FRRS1: variants seen among roughly 807,000 people sequenced by gnomAD.
FRRS1 encodes the protein ferric chelate reductase 1.
FRRS1 carries 51 observed loss-of-function variants against 70.7 expected under a neutral mutation model. The observed-to-expected ratio is 0.72, with a 90% CI of 0.58 to 0.91. The LOEUF (loss-of-function observed/expected upper bound fraction) is 0.91, where lower values mean the gene tolerates loss of function less well. Ranked by LOEUF, FRRS1 falls within the 40% of genes least tolerant of loss-of-function variation. The probability of loss-of-function intolerance (pLI) is 0.00; values close to 1 mark genes in which losing one functional copy is unlikely to be tolerated. For synonymous variants in FRRS1, 225 were observed against 238.7 expected, an observed-to-expected ratio of 0.94 and a Z score of 0.53; for missense variants, 672 against 726.0, an observed-to-expected ratio of 0.93 and a Z score of 0.86.
chr1:99,725,641 C>T (rs1251521881), intron 9 of FRRS1, among the ~76,000 whole-genome samples: 1 of 152,198 alleles, frequency 6.6e-6, no homozygotes, highest in Non-Finnish European at 1.5e-5. Flanking sequence ...TTTTCCCTCC[C>T]ATGCCATCAG....
chr1:99,747,565 G>A, intron 3 of FRRS1, 135 bp from the exon 4 acceptor site: 2 of 749,202 alleles, frequency 2.7e-6, no homozygotes, highest in Non-Finnish European at 4.2e-6. Flanking sequence ...CATCTTATAG[G>A]CAAAGAAGCT....
chr1:99,726,329 A>G (rs1655077840), intron 9 of FRRS1, among the ~76,000 whole-genome samples: 1 of 152,192 alleles, frequency 6.6e-6, no homozygotes, highest in Admixed American at 6.5e-5. Flanking sequence ...TTCTTCATAA[A>G]TTACCCAGTC....
At chr1:99,724,243 C>CA (rs1287323071) in intron 9 of FRRS1, among the ~76,000 whole-genome samples, 1 of 152,198 alleles carries the variant, frequency 6.6e-6, no homozygotes, top group Non-Finnish European at 1.5e-5. Flanking sequence ...ATGCTTAGTG[C>CA]AAGAACCAGC....
At chr1:99,738,431 T>C (rs1655788127) in intron 6 of FRRS1, among the ~76,000 whole-genome samples, 163 bp from the exon 7 acceptor site, 1 of 152,194 alleles carries the variant, frequency 6.6e-6, no homozygotes, top group Non-Finnish European at 1.5e-5. Context: ...ACATCCCAAA[T>C]TAAAAATGAT....
At chr1:99,732,254 C>T (rs888970312) in intron 7 of FRRS1, among the ~76,000 whole-genome samples, 2 of 152,100 alleles carry the variant, frequency 1.3e-5, no homozygotes, top group Non-Finnish European at 2.9e-5. Flanking sequence ...AGTTTGAAAG[C>T]ATAAAAGTAC....
intron 3 of FRRS1, 139 bp downstream of exon 3, chr1:99,748,434 C>T: frequency 2.8e-6 from 2 of 716,886 alleles, no homozygotes; most frequent in South Asian, 1.9e-5. Context: ...TCATCTGGAA[C>T]CAAAAATAAG....
Position 99,719,638 on chromosome 1 carries a change from T to A in FRRS1, c.1016A>T (p.Tyr339Phe). The change falls in exon 10 of 17, where the codon TAC (tyrosine) becomes TTC (phenylalanine). Residue 339 changes from tyrosine (Y) to phenylalanine (F), a missense_variant. Physicochemically the swap from Tyr to Phe is conservative, Grantham distance 22. Coordinates refer to ENST00000646001, the MANE Select transcript of FRRS1 (RefSeq NM_001361041.2). ...ADGAANDGRI[Y>F]KHSQQPLITY... Reference sequence around the variant, plus strand: ...AATCAAAGGTTGCTGAGAGTGCTTGTAAATTCGACCTGCAAATTAAAAACA... The same window carrying A: ...AATCAAAGGTTGCTGAGAGTGCTTGAAAATTCGACCTGCAAATTAAAAACA... The A allele has an allele frequency of 6.4e-7, 1 of 1,569,658 alleles. No homozygotes were observed. The highest frequency in any genetic ancestry group is 1.4e-5 in the African/African-American group (1 of 73,962).
In FRRS1 at chr1:99,704,742, G is replaced by A. The variant is rs1265332665; in HGVS notation, c.*4286C>T. 6.6e-6 allele frequency among the ~76,000 whole-genome samples: 1 copy of A among 152,118 alleles called. No individual in the cohort carries two copies. Among genetic ancestry groups the A allele is most frequent in the African/African-American group, 2.4e-5 (1 of 41,428 alleles). ...AGCGAGAGGATGTGGATGGGAGCACGCCAGAGGAAGAGCACACGACAGATC... is the reference window on the plus strand; with the variant it reads ...AGCGAGAGGATGTGGATGGGAGCACACCAGAGGAAGAGCACACGACAGATC... On this transcript the variant is annotated 3_prime_UTR_variant, in exon 17 of 17. Transcript: ENST00000646001.
At chr1:99,726,238 G>A (rs1571112874) in intron 9 of FRRS1, among the ~76,000 whole-genome samples, 1 of 152,254 alleles carries the variant, frequency 6.6e-6, no homozygotes, top group East Asian at 1.9e-4. Context: ...TTTGCCTTCT[G>A]CCATGATTGT....
intron 12 of FRRS1, among the ~76,000 whole-genome samples, chr1:99,714,441 C>G (rs1184184465): frequency 2.0e-5 from 3 of 152,086 alleles, no homozygotes; most frequent in Non-Finnish European, 4.4e-5. Flanking sequence ...CTTGGCCTCC[C>G]AAAGTGCTGG....
At chr1:99,724,907 T>C (rs562275943) in intron 9 of FRRS1, among the ~76,000 whole-genome samples, 36 of 152,038 alleles carry the variant, frequency 2.4e-4, no homozygotes, top group African/African-American at 8.2e-4. Context: ...ACATATTGTA[T>C]TAATATCTAT....
chr1:99,764,712 C>T lies in FRRS1; in HGVS notation c.-106+1895G>A, dbSNP rs1021315627. 2.6e-5 allele frequency among the ~76,000 whole-genome samples: 4 copies of T among 152,286 alleles called. No individual in the cohort carries two copies. The South Asian group carries it at 8.3e-4, about 32-fold the overall frequency. On this transcript the variant is annotated intron_variant, in intron 1 of 16. Transcript: ENST00000646001. The stretch of plus-strand genomic sequence containing the variant: ...AGTGACCCTGGACAAATTATTTAAC[C>T]TTACTGAGTCTTAGTTTTCTCACTT...
chr1:99,756,396 T>G (rs1321146781), intron 1 of FRRS1, among the ~76,000 whole-genome samples: 1 of 152,188 alleles, frequency 6.6e-6, no homozygotes, highest in Non-Finnish European at 1.5e-5. Flanking sequence ...AAGGGTATGA[T>G]GACTGCTAAC....
intron 1 of FRRS1, among the ~76,000 whole-genome samples, chr1:99,755,934 G>C (rs1391862449): frequency 6.6e-6 from 1 of 152,078 alleles, no homozygotes; most frequent in Admixed American, 6.6e-5. Context: ...GACTGTTCAA[G>C]GTAAAGTTCA....
At chr1:99,730,884 A>C (rs1447772096) in intron 7 of FRRS1, among the ~76,000 whole-genome samples, 2 of 151,342 alleles carry the variant, frequency 1.3e-5, no homozygotes, top group African/African-American at 4.9e-5. Flanking sequence ...AAAAAAAAAA[A>C]AATCAGCCAA....
Position 99,748,716 on chromosome 1 carries a change from C to T in FRRS1, c.53G>A (p.Ser18Asn), listed in dbSNP as rs1656412490. The T allele has an allele frequency of 1.2e-6, 2 of 1,613,944 alleles. No individual in the cohort carries two copies. Among genetic ancestry groups the T allele is most frequent in the African/African-American group, 2.7e-5 (2 of 74,896 alleles). ...TCCATTGGGATAATTAGCCACATAA[C>T]TAATGTGCAACAGAAGTATGCAGGT... ...LGTCILLLHI[S>N]YVANYPNGKV... is the part of the protein sequence containing the mutation. Residue 18 changes from serine to asparagine, a missense_variant, in exon 3 of 17, where the codon AGT becomes AAT. Ser to Asn is a conservative substitution (Grantham distance 46). Coordinates refer to ENST00000646001, the MANE Select transcript of FRRS1 (RefSeq NM_001361041.2).
rs1657007930 is a variant in FRRS1 at position 99,759,334 on chromosome 1, CTTTA to C, written c.-106+7269_-106+7272del. 2.0e-5 allele frequency among the ~76,000 whole-genome samples: 3 copies of C among 152,310 alleles called. No homozygotes were observed. The South Asian group carries it at 6.2e-4, about 32-fold the overall frequency. The stretch of plus-strand genomic sequence containing the variant: ...AAATTCCTGTCTTTAAACTGTCTCT[CTTTA>C]TTTCTCAGCCAGCTGACACTTACTG... On this transcript the variant is annotated intron_variant, in intron 1 of 16. Coordinates refer to ENST00000646001, the MANE Select transcript of FRRS1 (RefSeq NM_001361041.2).
rs1253440160 is a variant in FRRS1 at position 99,707,555 on chromosome 1, G to A, written c.*1473C>T. On this transcript the variant is annotated 3_prime_UTR_variant, in exon 17 of 17. Transcript: ENST00000646001. ...ACAAATAAACTGGAAAATAAACAGC[G>A]GTTACTAATTTAAGGTTTTAACCCT... Among the ~76,000 whole-genome samples the A allele has an allele frequency of 1.3e-5, 2 of 151,846 alleles. No individual in the cohort carries two copies. The highest frequency in any genetic ancestry group is 2.9e-5 in the Non-Finnish European group (2 of 67,978).
At position 99,712,242 on chromosome 1, in the gene FRRS1, AT is replaced by A. The variant is rs1221236061; in HGVS notation, c.1422-80del. On this transcript the variant is annotated intron_variant, in intron 13 of 16. Transcript: ENST00000646001. The stretch of plus-strand genomic sequence containing the variant: ...TTCCCACTAGAATAAAAAGCATGTA[AT>A]TTCCTTATTGTCTGGGAATTAGATA... The A allele has an allele frequency of 4.7e-6, 5 of 1,059,226 alleles. No homozygotes were observed. The East Asian group carries it at 1.2e-4, about 25-fold the overall frequency. 65.6% of individuals were successfully genotyped at this position (1,059,226 alleles called of 1,614,324 possible).
Sources: gnomAD v4.1 joint callset for allele counts (sites outside exome capture counted in the v4.1 genomes callset) on GRCh38, gnomAD v4.1.1 for gene constraint, MANE v1.5 for transcripts, NCBI Gene and HGNC (gene_info 2026-07-23, HGNC 2026-07-21) for gene names.